Variants in ADAM2 observed in about 807,000 individuals in gnomAD.
ADAM2 encodes disintegrin and metalloproteinase domain-containing protein 2.
A neutral mutation model predicts 99.3 loss-of-function variants in ADAM2; 101 were observed. The ratio of observed to expected loss-of-function variants is 1.02; its 90% confidence interval spans 0.87 to 1.20. ADAM2 has a LOEUF of 1.20. ADAM2 is among the 50% of genes most tolerant of loss of function. The pLI is 0.00. For missense variants in ADAM2, 948 were observed against 878.7 expected (o/e 1.08, Z -1.00); for synonymous variants, 323 against 287.6 (o/e 1.12, Z -1.25).
chr8:39,800,009 C>A (rs1452676710), intron 7 of ADAM2, among the ~76,000 whole-genome samples: 1 of 152,104 alleles, frequency 6.6e-6, no homozygotes, highest in South Asian at 2.1e-4. Flanking sequence ...TTAATTGGGA[C>A]ATTTAGCTCA....
intron 16 of ADAM2, among the ~76,000 whole-genome samples, chr8:39,751,839 CT>C (rs1031449393): frequency 0.017 from 2,436 of 145,946 alleles, 61 homozygotes; most frequent in African/African-American, 0.056. Context: ...TGTACATACT[CT>C]TTTTTTTTTT....
intron 12 of ADAM2, 47 bp from the exon 13 acceptor site, chr8:39,767,298 A>T (rs768239793): frequency 6.8e-7 from 1 of 1,471,126 alleles, no homozygotes. Context: ...ACTTGTATTC[A>T]TATTGGACAG....
At chr8:39,788,821 A>G (rs1355331303) in intron 7 of ADAM2, 81 bp from the exon 8 acceptor site, 3 of 748,460 alleles carry the variant, frequency 4.0e-6, no homozygotes, top group African/African-American at 3.7e-5. Flanking sequence ...TTAAAATTCA[A>G]TTTGGTGAAG....
intron 11 of ADAM2, among the ~76,000 whole-genome samples, chr8:39,775,932 C>A (rs1379715534): frequency 6.6e-6 from 1 of 152,038 alleles, no homozygotes; most frequent in Non-Finnish European, 1.5e-5. Context: ...TAGATGCATG[C>A]TCAAGGCTGC....
In ADAM2 at chr8:39,769,452, T is replaced by C. The variant is rs1287129590; in HGVS notation, c.1152A>G (p.Gln384=). 1 of 1,614,062 alleles carries C rather than the reference T, an allele frequency of 6.2e-7. No individual in the cohort carries two copies. ...CCAGCTTTGCATTACCACACACTGC[T>C]TGCTGTTTGAAAAAAGGATCTAAGC... ...QPRLDPFFKQ[Q]AVCGNAKLEA... The change falls in exon 12 of 21, where the codon CAA becomes CAG. Residue 384 remains glutamine (Q), a synonymous_variant. Transcript: ENST00000265708.
chr8:39,747,114 C>T (rs1586038271), intron 18 of ADAM2, among the ~76,000 whole-genome samples: 1 of 152,156 alleles, frequency 6.6e-6, no homozygotes. Context: ...CATAAACCCA[C>T]AGATTAAGAA....
At chr8:39,797,438 T>C (rs1161963906) in intron 7 of ADAM2, among the ~76,000 whole-genome samples, 1 of 152,224 alleles carries the variant, frequency 6.6e-6, no homozygotes, top group Admixed American at 6.5e-5. Flanking sequence ...CCATGCTGTT[T>C]TGCTTACTGT....
intron 19 of ADAM2, among the ~76,000 whole-genome samples, chr8:39,746,004 C>T (rs916728777): frequency 2.6e-5 from 3 of 115,642 alleles, no homozygotes; most frequent in South Asian, 3.3e-4. Flanking sequence ...TGTGTGTGTG[C>T]ATGTGTGTGT....
chr8:39,764,822 T>C (rs1802504464), intron 14 of ADAM2, among the ~76,000 whole-genome samples: 1 of 152,034 alleles, frequency 6.6e-6, no homozygotes, highest in Non-Finnish European at 1.5e-5. Context: ...GAGACCAGCC[T>C]GGCCAACATG....
At chr8:39,837,382 T>G (rs191312347) in intron 1 of ADAM2, among the ~76,000 whole-genome samples, 170 bp from the exon 2 acceptor site, 1,661 of 134,258 alleles carry the variant, frequency 0.012, 15 homozygotes, top group Non-Finnish European at 0.019. Context: ...TGTTTTTCTG[T>G]TTTTTTTTTT....
At chr8:39,835,886 T>C (rs1039836954) in intron 2 of ADAM2, among the ~76,000 whole-genome samples, 1 of 152,130 alleles carries the variant, frequency 6.6e-6, no homozygotes, top group African/African-American at 2.4e-5. Flanking sequence ...ATGCTAATTG[T>C]GTATTTAACT....
At position 39,837,134 on chromosome 8, in the gene ADAM2, A is replaced by G. The variant is rs1005686070; in HGVS notation, c.132+2T>C. 2 of 1,586,806 alleles carry G rather than the reference A, an allele frequency of 1.3e-6. No homozygotes were observed. The highest frequency in any genetic ancestry group is 3.4e-5 in the Admixed American group (2 of 58,128). On this transcript the variant is annotated splice_donor_variant, in intron 2 of 20. Transcript: ENST00000265708. LOFTEE classifies it high-confidence loss of function. ...TTGTAAATACTGTTAGTGATTCATTACCTGCGATTCAATTCCTTCCTTTAT... is the reference window on the plus strand; with the variant it reads ...TTGTAAATACTGTTAGTGATTCATTGCCTGCGATTCAATTCCTTCCTTTAT...
chr8:39,816,775 T>C (rs1267326367), intron 6 of ADAM2, among the ~76,000 whole-genome samples: 1 of 152,226 alleles, frequency 6.6e-6, no homozygotes, highest in East Asian at 1.9e-4. Context: ...GACAGGGGAA[T>C]GAAGAATGAC....
At chr8:39,786,229 C>A (rs751148540) in intron 10 of ADAM2, among the ~76,000 whole-genome samples, 3 of 152,166 alleles carry the variant, frequency 2.0e-5, no homozygotes, top group Non-Finnish European at 4.4e-5. Flanking sequence ...TCAATCATAT[C>A]CGAAACCTTA....
At chr8:39,751,492 C>G (rs895250239) in intron 16 of ADAM2, among the ~76,000 whole-genome samples, 5 of 150,040 alleles carry the variant, frequency 3.3e-5, no homozygotes, top group African/African-American at 1.2e-4. Flanking sequence ...TTGTTTTTGT[C>G]TGGGTTTTGT....
intron 9 of ADAM2, among the ~76,000 whole-genome samples, chr8:39,787,624 A>G (rs540387378): frequency 6.6e-6 from 1 of 151,468 alleles, no homozygotes; most frequent in South Asian, 2.1e-4. Context: ...AACAGAGTCT[A>G]TTAAATAGAA....
At chr8:39,790,792 C>G (rs1803678457) in intron 7 of ADAM2, among the ~76,000 whole-genome samples, 1 of 151,892 alleles carries the variant, frequency 6.6e-6, no homozygotes, top group East Asian at 1.9e-4. Context: ...TGGTACATCT[C>G]TCCACTATAA....
At chr8:39,819,954 T>A (rs1352939148) in intron 6 of ADAM2, among the ~76,000 whole-genome samples, 1 of 152,120 alleles carries the variant, frequency 6.6e-6, no homozygotes, top group Non-Finnish European at 1.5e-5. Flanking sequence ...ATCTTCTGAA[T>A]TGGTGCTGGG....
At chr8:39,792,734 A>C (rs2129585727) in intron 7 of ADAM2, among the ~76,000 whole-genome samples, 1 of 152,242 alleles carries the variant, frequency 6.6e-6, no homozygotes, top group South Asian at 2.1e-4. Flanking sequence ...AAAGGACTGC[A>C]AATCAATTTT....
Sources: allele counts gnomAD v4.1 joint callset (sites outside exome capture counted in the v4.1 genomes callset), GRCh38; gene constraint gnomAD v4.1.1; transcripts MANE v1.5; gene names NCBI Gene and HGNC (gene_info 2026-07-23, HGNC 2026-07-21).